SEC22C: variants seen among roughly 807,000 people sequenced by gnomAD.
SEC22C encodes vesicle-trafficking protein SEC22c.
SEC22C carries 29 observed loss-of-function variants against 34.7 expected under a neutral mutation model. That is an observed-to-expected ratio of 0.84 (90% CI 0.62 to 1.14). The LOEUF (loss-of-function observed/expected upper bound fraction) is 1.14, where lower values mean the gene tolerates loss of function less well. Among genes scored for constraint, SEC22C ranks in the 50% most tolerant of loss-of-function variants. The probability of loss-of-function intolerance (pLI) is 0.00; values close to 1 mark genes in which losing one functional copy is unlikely to be tolerated. For synonymous variants in SEC22C, 117 were observed against 132.8 expected (o/e 0.88, Z 0.82); for missense variants, 337 against 369.0 (o/e 0.91, Z 0.71).
At chr3:42,590,362 A>T (rs533999408) in intron 1 of SEC22C, among the ~76,000 whole-genome samples, 3 of 152,152 alleles carry the variant, frequency 2.0e-5, no homozygotes, top group Non-Finnish European at 2.9e-5. Context: ...TCCTGCAGAT[A>T]GATTGAGTAT....
At chr3:42,561,392 A>T in intron 3 of SEC22C, 96 bp from the exon 4 acceptor site, 1 of 1,299,966 alleles carries the variant, frequency 7.7e-7, no homozygotes, top group Non-Finnish European at 1.1e-6. Flanking sequence ...TTTTTTTTGA[A>T]GATAGGGTCT....
At chr3:42,568,166 A>T (rs1341636641) in intron 2 of SEC22C, among the ~76,000 whole-genome samples, 4 of 151,852 alleles carry the variant, frequency 2.6e-5, no homozygotes, top group South Asian at 2.1e-4. Flanking sequence ...TAAAAATGAA[A>T]TTTTTTTCTT....
exon 1 of SEC22C, chr3:42,601,027 G>C: frequency 6.3e-7 from 1 of 1,580,724 alleles, no homozygotes; most frequent in Non-Finnish European, 8.6e-7. Flanking sequence ...AGGACCGGCC[G>C]CAGTGCCACT....
intron 1 of SEC22C, among the ~76,000 whole-genome samples, chr3:42,577,834 G>T (rs1348035551): frequency 6.6e-6 from 1 of 152,120 alleles, no homozygotes; most frequent in African/African-American, 2.4e-5. Context: ...GCTAGGCATG[G>T]TGGTGGGCAC....
intron 1 of SEC22C, among the ~76,000 whole-genome samples, chr3:42,593,310 G>C (rs1376066156): frequency 6.6e-6 from 1 of 152,132 alleles, no homozygotes; most frequent in Non-Finnish European, 1.5e-5. Context: ...CCAGCTACTT[G>C]GGAGGCCGAG....
At position 42,548,607 on chromosome 3, in the gene SEC22C, G is replaced by T; in HGVS notation, c.*4641C>A. The T allele has an allele frequency of 2.5e-6, 4 of 1,613,626 alleles. No homozygotes were observed. The highest frequency in any genetic ancestry group is 2.5e-6 in the Non-Finnish European group (3 of 1,180,012). On this transcript the variant is annotated 3_prime_UTR_variant, in exon 7 of 7. Transcript: ENST00000264454. The stretch of plus-strand genomic sequence containing the variant: ...AGAGCTCTCCTCATTTGGGTCAGGG[G>T]TGGCTGGCTCACGAGGTTTGGTCCA...
chr3:42,565,960 A>AT (rs1703212247), intron 2 of SEC22C: 3 of 448,738 alleles, frequency 6.7e-6, no homozygotes, highest in South Asian at 3.2e-5. Context: ...TGAGTAGAAC[A>AT]TTTTTTATTC....
chr3:42,590,760 C>T (rs966832672), intron 1 of SEC22C: 2 of 901,298 alleles, frequency 2.2e-6, no homozygotes, highest in African/African-American at 1.6e-5. Context: ...GAGTATAGCT[C>T]TTGCGCGTCC....
intron 3 of SEC22C, among the ~76,000 whole-genome samples, chr3:42,562,207 C>T (rs1380833284): frequency 6.6e-6 from 1 of 152,198 alleles, no homozygotes; most frequent in Non-Finnish European, 1.5e-5. Context: ...TACTCCCACT[C>T]AACAATGAGC....
intron 6 of SEC22C, among the ~76,000 whole-genome samples, chr3:42,555,428 G>A (rs964677073): frequency 6.6e-6 from 1 of 152,080 alleles, no homozygotes; most frequent in African/African-American, 2.4e-5. Flanking sequence ...GGCCTAAAGT[G>A]ATCCTCCCAC....
intron 1 of SEC22C, among the ~76,000 whole-genome samples, chr3:42,589,789 C>T (rs941543971): frequency 1.3e-5 from 2 of 152,178 alleles, no homozygotes; most frequent in Admixed American, 6.5e-5. Flanking sequence ...TTGTCTTCCA[C>T]GAAACCAATT....
Position 42,552,362 on chromosome 3 carries a change from C to T in SEC22C, c.*886G>A. Reference sequence around the variant, plus strand: ...TCAGCTCTACTGAAAAGGCTGATGACAGCAGCCCCTCCCAAGCGGATCTGT... The same window carrying T: ...TCAGCTCTACTGAAAAGGCTGATGATAGCAGCCCCTCCCAAGCGGATCTGT... On this transcript the variant is annotated 3_prime_UTR_variant, in exon 7 of 7. Coordinates refer to ENST00000264454, the MANE Select transcript of SEC22C (RefSeq NM_032970.4). 5 of 985,370 alleles carry T rather than the reference C, an allele frequency of 5.1e-6. No individual in the cohort carries two copies. Among genetic ancestry groups the T allele is most frequent in the Non-Finnish European group, 6.0e-6 (5 of 829,882 alleles). The allele number at this position is 985,370 out of a possible 1,614,324, so 61.0% of individuals were successfully genotyped here. A position where few individuals can be genotyped will look rare whatever the true frequency, so the allele number is the denominator to read the frequency against.
chr3:42,563,157 C>T (rs886500148), intron 3 of SEC22C, among the ~76,000 whole-genome samples: 1 of 152,202 alleles, frequency 6.6e-6, no homozygotes, highest in African/African-American at 2.4e-5. Flanking sequence ...GCAAAAGCAG[C>T]CACAGACAAC....
chr3:42,555,322 G>A (rs1353920742), intron 6 of SEC22C, among the ~76,000 whole-genome samples: 1 of 151,316 alleles, frequency 6.6e-6, no homozygotes. Context: ...ACTCCAGCCT[G>A]GGCAACAGTG....
At chr3:42,584,514 C>T (rs2125734751), upstream of SEC22C, among the ~76,000 whole-genome samples, 1 of 152,306 alleles carries the variant, frequency 6.6e-6, no homozygotes, top group South Asian at 2.1e-4. Context: ...CCTTGGCCTC[C>T]CTAAGTGCTG....
At position 42,553,481 on chromosome 3, in the gene SEC22C, G is replaced by C. The variant is rs777194272; in HGVS notation, c.712-33C>G. 14 of 1,603,288 alleles carry C rather than the reference G, an allele frequency of 8.7e-6. No individual in the cohort carries two copies. The South Asian group carries it at 1.6e-4, about 18-fold the overall frequency. The stretch of plus-strand genomic sequence containing the variant: ...GAGACCAGAAGAGGAATTCCAATCA[G>C]AGATAAAATGGCCACTAGATCATAT... On this transcript the variant is annotated intron_variant, in intron 6 of 6. Transcript: ENST00000264454.
intron 1 of SEC22C, chr3:42,591,441 G>A (rs889803560): frequency 1.0e-6 from 1 of 964,198 alleles, no homozygotes; most frequent in Non-Finnish European, 1.7e-6. Flanking sequence ...GATCCGCCTA[G>A]ATCGGCCTCC....
At position 42,548,698 on chromosome 3, in the gene SEC22C, C is replaced by G; in HGVS notation, c.*4550G>C. The G allele has an allele frequency of 6.2e-6, 10 of 1,613,478 alleles. No individual in the cohort carries two copies. Among genetic ancestry groups the G allele is most frequent in the Non-Finnish European group, 8.5e-6 (10 of 1,179,628 alleles). ...CATCAATGGTACCATGCGCTCTGTGCCCAGGGAGTGAAAGGCAGGTCCAGG... is the reference window on the plus strand; with the variant it reads ...CATCAATGGTACCATGCGCTCTGTGGCCAGGGAGTGAAAGGCAGGTCCAGG... On this transcript the variant is annotated 3_prime_UTR_variant, in exon 7 of 7. Transcript: ENST00000264454.
rs951154625 is a variant in SEC22C at position 42,581,944 on chromosome 3, G to C, written c.-126C>G. On this transcript the variant is annotated 5_prime_UTR_variant, in exon 1 of 7. Coordinates refer to ENST00000264454, the MANE Select transcript of SEC22C (RefSeq NM_032970.4). Reference sequence around the variant, plus strand: ...CGGGAGGGCTCGGCCCAGGTCACCGGCAGCCCAGGCGCAGGTAGGCCGTGG... The same window carrying C: ...CGGGAGGGCTCGGCCCAGGTCACCGCCAGCCCAGGCGCAGGTAGGCCGTGG... The C allele has an allele frequency of 6.6e-6, 1 of 152,370 alleles. No homozygotes were observed. Among genetic ancestry groups the C allele is most frequent in the Non-Finnish European group, 1.5e-5 (1 of 68,140 alleles). 9.4% of individuals were successfully genotyped at this position (152,370 alleles called of 1,614,324 possible).
Sources: gnomAD v4.1 joint callset for allele counts (sites outside exome capture counted in the v4.1 genomes callset) on GRCh38, gnomAD v4.1.1 for gene constraint, MANE v1.5 for transcripts, NCBI Gene and HGNC (gene_info 2026-07-23, HGNC 2026-07-21) for gene names.